Variants in STXBP5 observed in about 807,000 individuals in gnomAD.
STXBP5 encodes syntaxin binding protein 5, also known as syntaxin-binding protein 5.
STXBP5 carries 50 observed loss-of-function variants against 152.4 expected under a neutral mutation model. The ratio of observed to expected loss-of-function variants is 0.33; its 90% confidence interval spans 0.26 to 0.42. STXBP5 has a LOEUF of 0.42. Ranked by LOEUF, STXBP5 falls within the 10% of genes least tolerant of loss-of-function variation. The pLI is 1.00. For synonymous variants in STXBP5, 492 were observed against 494.7 expected (o/e 0.99, Z 0.07); for missense variants, 1,167 against 1,388.6 (o/e 0.84, Z 2.54).
At chr6:147,211,292 G>A (rs1018150136) in intron 2 of STXBP5, among the ~76,000 whole-genome samples, 2 of 143,802 alleles carry the variant, frequency 1.4e-5, no homozygotes, top group Non-Finnish European at 3.0e-5. Flanking sequence ...CTGGGCAACA[G>A]AGCAAGACTC....
At position 147,347,361 on chromosome 6, in the gene STXBP5, C is replaced by T. The variant is rs544450279; in HGVS notation, c.2255-5962C>T. Among the ~76,000 whole-genome samples, 10 of 149,866 alleles carry T rather than the reference C, an allele frequency of 6.7e-5. No individual in the cohort carries two copies. In the East Asian group the frequency reaches 1.9e-3, roughly 28 times the overall value. On this transcript the variant is annotated intron_variant, in intron 21 of 27. Transcript: ENST00000321680. ...AGACATTTCTAACCATGAAAGAAGCCAAGGAATACAGCAGTCATTTTTAAG... is the reference window on the plus strand; with the variant it reads ...AGACATTTCTAACCATGAAAGAAGCTAAGGAATACAGCAGTCATTTTTAAG...
At chr6:147,303,660 A>G (rs1420006583) in intron 9 of STXBP5, among the ~76,000 whole-genome samples, 1 of 152,230 alleles carries the variant, frequency 6.6e-6, no homozygotes, top group African/African-American at 2.4e-5. Flanking sequence ...GCGAGTTTGC[A>G]GCTTCCTAGA....
At position 147,324,968 on chromosome 6, in the gene STXBP5, C is replaced by T. The variant is rs1261009630; in HGVS notation, c.1812C>T (p.Asn604=). 8.5e-6 allele frequency: 13 copies of T among 1,536,692 alleles called. No homozygotes were observed. Among genetic ancestry groups the T allele is most frequent in the Non-Finnish European group, 1.1e-5 (12 of 1,136,164 alleles). The change falls in exon 17 of 28, where the codon AAC becomes AAT. Residue 604 remains asparagine, a synonymous_variant. Coordinates refer to ENST00000321680, the MANE Select transcript of STXBP5 (RefSeq NM_001127715.4). ...RDNVPCLKVK[N]SPLKQSPGYQ... ...TTTTCTTTTATTTTAGAGTTAAAAA[C>T]TCACCACTTAAACAGTCTCCAGGTT... is the stretch of plus-strand genomic sequence containing the variant.
At position 147,388,637 on chromosome 6, in the gene STXBP5, C is replaced by G. The variant is rs1439976483; in HGVS notation, c.*3882C>G. 6.6e-6 allele frequency: 1 copy of G among 151,210 alleles called. No individual in the cohort carries two copies. Among genetic ancestry groups the G allele is most frequent in the Non-Finnish European group, 1.5e-5 (1 of 67,518 alleles). 9.4% of individuals were successfully genotyped at this position (151,210 alleles called of 1,614,324 possible). A position where few individuals can be genotyped will look rare whatever the true frequency, so the allele number is the denominator to read the frequency against. ...AAATCATACATCATTTAAAAATCTT[C>G]ACACATGAACAGGAAAGATATCATT... On this transcript the variant is annotated 3_prime_UTR_variant, in exon 28 of 28. Transcript: ENST00000321680.
chr6:147,334,797 AATTT>A (rs1783747557), intron 19 of STXBP5, among the ~76,000 whole-genome samples: 2 of 152,044 alleles, frequency 1.3e-5, no homozygotes, highest in African/African-American at 4.8e-5. Flanking sequence ...GAAGATCTTG[AATTT>A]ATTTTATTTT....
At chr6:147,234,967 G>A (rs1366019102) in intron 2 of STXBP5, among the ~76,000 whole-genome samples, 1 of 151,944 alleles carries the variant, frequency 6.6e-6, no homozygotes, top group Non-Finnish European at 1.5e-5. Flanking sequence ...ATTTGGGCCA[G>A]CATAAAATGT....
chr6:147,327,272 A>G lies in STXBP5; in HGVS notation c.2076A>G (p.Ser692=). Residue 692 remains serine, a synonymous_variant, in exon 18 of 28, where the codon TCA becomes TCG. Coordinates refer to ENST00000321680, the MANE Select transcript of STXBP5 (RefSeq NM_001127715.4). ...PRSPRKSRQP[S]GAGLCDISEG... is the part of the protein sequence containing the mutation. The stretch of plus-strand genomic sequence containing the variant: ...CTCCTCGTAAATCTCGACAGCCTTC[A>G]GGAGGTAAAAAGAAAAGAAAAGAAA... 1 of 1,597,840 alleles carries G rather than the reference A, an allele frequency of 6.3e-7. No individual in the cohort carries two copies. Among genetic ancestry groups the G allele is most frequent in the Non-Finnish European group, 8.5e-7 (1 of 1,176,130 alleles).
At chr6:147,256,824 ATAT>A (rs1000684490) in intron 4 of STXBP5, among the ~76,000 whole-genome samples, 2 of 152,132 alleles carry the variant, frequency 1.3e-5, no homozygotes, top group African/African-American at 2.4e-5. Context: ...TAGGTGTAAG[ATAT>A]TATGATATTT....
chr6:147,356,000 G>A (rs1395792237), intron 22 of STXBP5, among the ~76,000 whole-genome samples: 2 of 151,832 alleles, frequency 1.3e-5, no homozygotes, highest in African/African-American at 4.8e-5. Flanking sequence ...AATAAAATAA[G>A]CAACCTATTT....
intron 2 of STXBP5, among the ~76,000 whole-genome samples, chr6:147,228,894 A>G (rs1333115282): frequency 1.3e-5 from 2 of 151,668 alleles, no homozygotes; most frequent in Non-Finnish European, 2.9e-5. Flanking sequence ...AGGGAAAGAT[A>G]TTTTTCTTGG....
intron 4 of STXBP5, among the ~76,000 whole-genome samples, chr6:147,253,093 A>G (rs1303783716): frequency 2.0e-5 from 3 of 152,206 alleles, no homozygotes; most frequent in African/African-American, 4.8e-5. Flanking sequence ...CCAGCAGCAC[A>G]TCAAAAAGCT....
chr6:147,283,203 T>C (rs904514659), intron 8 of STXBP5, among the ~76,000 whole-genome samples: 14 of 152,202 alleles, frequency 9.2e-5, no homozygotes, highest in Admixed American at 1.3e-4. Flanking sequence ...TAAACCAAGA[T>C]TGGGGAACTT....
At chr6:147,209,294 C>T (rs1276203110) in intron 2 of STXBP5, among the ~76,000 whole-genome samples, 1 of 152,066 alleles carries the variant, frequency 6.6e-6, no homozygotes, top group African/African-American at 2.4e-5. Flanking sequence ...GTGGAAAATA[C>T]AGTGAAATAG....
chr6:147,382,616 AATC>A (rs1477858010), intron 26 of STXBP5, among the ~76,000 whole-genome samples, 159 bp from the exon 27 acceptor site: 1 of 152,164 alleles, frequency 6.6e-6, no homozygotes, highest in African/African-American at 2.4e-5. Context: ...TTATTAAACC[AATC>A]ATAACAAAAG....
chr6:147,224,303 G>A (rs1777603121), intron 2 of STXBP5, among the ~76,000 whole-genome samples: 1 of 152,166 alleles, frequency 6.6e-6, no homozygotes, highest in African/African-American at 2.4e-5. Context: ...GTGCATGCCT[G>A]TAATCCCAGC....
intron 4 of STXBP5, among the ~76,000 whole-genome samples, chr6:147,258,798 G>A (rs633603): frequency 6.6e-6 from 1 of 151,778 alleles, no homozygotes; most frequent in Non-Finnish European, 1.5e-5. Flanking sequence ...ATTTTTAAAT[G>A]TATTATATAA....
At chr6:147,323,303 T>A (rs1184279799) in intron 16 of STXBP5, among the ~76,000 whole-genome samples, 1 of 152,224 alleles carries the variant, frequency 6.6e-6, no homozygotes, top group Non-Finnish European at 1.5e-5. Context: ...AACTTCCCAA[T>A]TGGTGACCCT....
At position 147,389,196 on chromosome 6, in the gene STXBP5, TGG is replaced by T. The variant is rs1357595884; in HGVS notation, c.*4443_*4444del. On this transcript the variant is annotated 3_prime_UTR_variant, in exon 28 of 28. Coordinates refer to ENST00000321680, the MANE Select transcript of STXBP5 (RefSeq NM_001127715.4). ...CTGATCAATTTCTTGTAAAGTGCTATGGGAATTATTTTTCCTGTGAATATTAA... is the reference window on the plus strand; with the variant it reads ...CTGATCAATTTCTTGTAAAGTGCTATGAATTATTTTTCCTGTGAATATTAA... The T allele has an allele frequency of 6.6e-6, 1 of 151,736 alleles. No homozygotes were observed. Among genetic ancestry groups the T allele is most frequent in the African/African-American group, 2.4e-5 (1 of 41,414 alleles). The allele number at this position is 151,736 out of a possible 1,614,324, so 9.4% of individuals were successfully genotyped here.
intron 9 of STXBP5, chr6:147,292,724 TTATCTAGTTATTTTAACAAA>T (rs1781341052): frequency 6.6e-6 from 1 of 152,318 alleles, no homozygotes; most frequent in Admixed American, 6.5e-5. Flanking sequence ...GGTTCTATTC[TTATCTAGTTATTTTAACAAA>T]TATTGACTGG....
Sources: gnomAD v4.1 joint callset for allele counts (sites outside exome capture counted in the v4.1 genomes callset) on GRCh38, gnomAD v4.1.1 for gene constraint, MANE v1.5 for transcripts, NCBI Gene and HGNC (gene_info 2026-07-23, HGNC 2026-07-21) for gene names.